SESN3: variants seen among roughly 807,000 people sequenced by gnomAD.
SESN3 encodes the protein sestrin 3, also known as sestrin-3.
In SESN3, 21 loss-of-function variants were observed where a neutral mutation model predicts 55.3. The observed-to-expected ratio is 0.38, with a 90% CI of 0.27 to 0.55. The LOEUF is 0.55. Among genes scored for constraint, SESN3 ranks in the 20% least tolerant of loss-of-function variants. SESN3 has a pLI of 0.76. For missense variants in SESN3, 408 were observed against 604.3 expected, an observed-to-expected ratio of 0.68 and a Z score of 3.41; for synonymous variants, 181 against 203.1, an observed-to-expected ratio of 0.89 and a Z score of 0.93.
chr11:95,204,121 A>C (rs1359322178), intron 1 of SESN3: 1 of 152,146 alleles, frequency 6.6e-6, no homozygotes, highest in Non-Finnish European at 1.5e-5. Flanking sequence ...TTTGAGATTT[A>C]ATTATTTCAG....
At chr11:95,218,283 T>C (rs1312930257) in intron 1 of SESN3, among the ~76,000 whole-genome samples, 1 of 152,244 alleles carries the variant, frequency 6.6e-6, no homozygotes, top group Non-Finnish European at 1.5e-5. Flanking sequence ...CAAATCCTAC[T>C]CTTGACTGTA....
chr11:95,174,586 C>T lies in SESN3; in HGVS notation c.1392+912G>A, dbSNP rs373205765. ...GCAACCTCTGCCTCCTGGGTTCAAG[C>T]GATTCTCCTGCCTCAGATTCCCAAG... On this transcript the variant is annotated intron_variant, in intron 9 of 9. Coordinates refer to ENST00000536441, the MANE Select transcript of SESN3 (RefSeq NM_144665.4). Among the ~76,000 whole-genome samples, 203 of 152,088 alleles carry T rather than the reference C, an allele frequency of 1.3e-3. 1 individual carries two copies. The highest frequency in any genetic ancestry group is 4.2e-3 in the South Asian group (20 of 4,812).
upstream of SESN3, chr11:95,231,308 G>A (rs1382722540): frequency 1.0e-5 from 4 of 390,226 alleles, no homozygotes; most frequent in Non-Finnish European, 1.8e-5. Context: ...CTAGCCCGCA[G>A]CCAATGAGCA....
At position 95,175,629 on chromosome 11, in the gene SESN3, C is replaced by G; in HGVS notation, c.1261G>C (p.Asp421His). 1.2e-6 allele frequency: 2 copies of G among 1,611,986 alleles called. No individual in the cohort carries two copies. The highest frequency in any genetic ancestry group is 1.7e-6 in the Non-Finnish European group (2 of 1,178,528). ...AGTAATTGATTAACTTCTCCATAAT[C>G]ATAGTCATCATACCTACGAGCAATA... ...CMFGIRYDDY[D>H]YGEVNQLLER... Residue 421 changes from aspartate (D) to histidine (H), a missense_variant, in exon 9 of 10, where the codon GAT (aspartate) becomes CAT (histidine). Asp to His is a moderately conservative substitution (Grantham distance 81). Transcript: ENST00000536441.
At chr11:95,189,995 G>C in intron 3 of SESN3, 34 bp from the exon 4 acceptor site, 1 of 1,506,708 alleles carries the variant, frequency 6.6e-7, no homozygotes, top group Non-Finnish European at 9.0e-7. Flanking sequence ...ATTGATAAAA[G>C]AATCACAGTA....
intron 6 of SESN3, among the ~76,000 whole-genome samples, chr11:95,179,486 G>A (rs1860022189): frequency 6.6e-6 from 1 of 152,120 alleles, no homozygotes; most frequent in African/African-American, 2.4e-5. Flanking sequence ...AGAGGAAGGA[G>A]AAGAGATGAA....
In SESN3 at chr11:95,173,155, G is replaced by T; in HGVS notation, c.*100C>A. The T allele has an allele frequency of 1.6e-6, 1 of 637,676 alleles. No homozygotes were observed. The allele number at this position is 637,676 out of a possible 1,614,324, so 39.5% of individuals were successfully genotyped here. ...AACAAACGGCTAAACTTTGACACTA[G>T]AGAACTGAATAATTTTTGATGCTAT... is the stretch of plus-strand genomic sequence containing the variant. On this transcript the variant is annotated 3_prime_UTR_variant, in exon 10 of 10. Coordinates refer to ENST00000536441, the MANE Select transcript of SESN3 (RefSeq NM_144665.4).
At chr11:95,228,589 G>A (rs915615215) in intron 1 of SESN3, among the ~76,000 whole-genome samples, 1 of 152,112 alleles carries the variant, frequency 6.6e-6, no homozygotes, top group African/African-American at 2.4e-5. Flanking sequence ...TAAGAATGAT[G>A]AAACATTTAA....
rs550877881 is a variant in SESN3 at position 95,170,852 on chromosome 11, C to T, written c.*2403G>A. The stretch of plus-strand genomic sequence containing the variant: ...TTCCTATTGATAAGATAGATCAATG[C>T]TGAGCTAAAAAGAAACTTTGCAAGG... On this transcript the variant is annotated 3_prime_UTR_variant, in exon 10 of 10. Transcript: ENST00000536441. 28 of 152,246 alleles carry T rather than the reference C, an allele frequency of 1.8e-4. No individual in the cohort carries two copies. Among genetic ancestry groups the T allele is most frequent in the African/African-American group, 6.5e-4 (27 of 41,570 alleles). 9.4% of individuals were successfully genotyped at this position (152,246 alleles called of 1,614,324 possible). A position where few individuals can be genotyped will look rare whatever the true frequency, so the allele number is the denominator to read the frequency against.
At position 95,166,388 on chromosome 11, in the gene SESN3, GA is replaced by G. The variant is rs1859749410; in HGVS notation, c.*6866del. ...ATGATAATTCTGTATTAATACTGAT[GA>G]ATTAAAGAGCTATAACAGACATTTC... On this transcript the variant is annotated 3_prime_UTR_variant, in exon 10 of 10. Transcript: ENST00000536441. 1 of 152,042 alleles carries G rather than the reference GA, an allele frequency of 6.6e-6. No homozygotes were observed. The highest frequency in any genetic ancestry group is 1.5e-5 in the Non-Finnish European group (1 of 68,006). The allele number at this position is 152,042 out of a possible 1,614,324, so 9.4% of individuals were successfully genotyped here.
At position 95,173,168 on chromosome 11, in the gene SESN3, T is replaced by C. The variant is rs1591042190; in HGVS notation, c.*87A>G. On this transcript the variant is annotated 3_prime_UTR_variant, in exon 10 of 10. Transcript: ENST00000536441. ...ACTTTGACACTAGAGAACTGAATAA[T>C]TTTTGATGCTATATCACAAATAGCT... The C allele has an allele frequency of 2.7e-6, 2 of 754,064 alleles. No homozygotes were observed. The highest frequency in any genetic ancestry group is 2.5e-5 in the East Asian group (1 of 39,272). 46.7% of individuals were successfully genotyped at this position (754,064 alleles called of 1,614,324 possible).
intron 1 of SESN3, among the ~76,000 whole-genome samples, chr11:95,197,214 C>T (rs2134240716): frequency 6.6e-6 from 1 of 152,234 alleles, no homozygotes; most frequent in South Asian, 2.1e-4. Context: ...AGGTCTAGGA[C>T]TTTTTCTTCT....
At chr11:95,189,738 C>A in intron 4 of SESN3, 41 bp downstream of exon 4, 1 of 1,464,448 alleles carries the variant, frequency 6.8e-7, no homozygotes, top group East Asian at 2.3e-5. Flanking sequence ...AAAATTAAGT[C>A]CTAAGCAAAT....
intron 4 of SESN3, 90 bp downstream of exon 4, chr11:95,189,689 C>T (rs1565466416): frequency 1.2e-6 from 1 of 852,048 alleles, no homozygotes; most frequent in Non-Finnish European, 1.8e-6. Flanking sequence ...TACTAAGACA[C>T]TATTATTTAT....
chr11:95,209,305 C>T (rs888388076), intron 1 of SESN3, among the ~76,000 whole-genome samples: 1 of 151,302 alleles, frequency 6.6e-6, no homozygotes, highest in Non-Finnish European at 1.5e-5. Flanking sequence ...GGTCAACAAA[C>T]ATATGAAAAA....
intron 1 of SESN3, among the ~76,000 whole-genome samples, chr11:95,209,571 A>G (rs563739535): frequency 6.6e-6 from 1 of 151,584 alleles, no homozygotes; most frequent in East Asian, 1.9e-4. Flanking sequence ...AGGATTATAA[A>G]TCATTCTACT....
intron 1 of SESN3, among the ~76,000 whole-genome samples, chr11:95,197,923 G>T (rs1860392770): frequency 6.6e-6 from 1 of 152,054 alleles, no homozygotes; most frequent in East Asian, 1.9e-4. Flanking sequence ...ACATAACCTG[G>T]ATGCAACATT....
At chr11:95,223,993 T>A (rs1466793292) in intron 1 of SESN3, among the ~76,000 whole-genome samples, 1 of 152,220 alleles carries the variant, frequency 6.6e-6, no homozygotes, top group East Asian at 1.9e-4. Context: ...CACATATTTT[T>A]TGGAATAATT....
intron 1 of SESN3, among the ~76,000 whole-genome samples, chr11:95,196,463 T>C (rs1474959356): frequency 6.6e-6 from 1 of 152,178 alleles, no homozygotes; most frequent in African/African-American, 2.4e-5. Flanking sequence ...ATTGATTTTT[T>C]TTTTTTTAAG....
Sources: gnomAD v4.1 joint callset for allele counts (sites outside exome capture counted in the v4.1 genomes callset) on GRCh38, gnomAD v4.1.1 for gene constraint, MANE v1.5 for transcripts, NCBI Gene and HGNC (gene_info 2026-07-23, HGNC 2026-07-21) for gene names.